The following GLIS1 variants were observed in gnomAD, a reference collection of about 807,000 sequenced individuals.
GLIS1 encodes the protein zinc finger protein GLIS1.
In GLIS1, 24 loss-of-function variants were observed where a neutral mutation model predicts 63.8. The ratio of observed to expected loss-of-function variants is 0.38; its 90% CI spans 0.27 to 0.53. The LOEUF is 0.53. GLIS1 is among the 20% of genes least tolerant of loss of function. GLIS1 has a pLI of 0.85. For synonymous variants in GLIS1, 450 were observed against 482.5 expected, an observed-to-expected ratio of 0.93 and a Z score of 0.88; for missense variants, 1,036 against 1,074.1, an observed-to-expected ratio of 0.96 and a Z score of 0.50.
At chr1:53,601,410 G>A (rs908538855) in intron 2 of GLIS1, among the ~76,000 whole-genome samples, 3 of 152,164 alleles carry the variant, frequency 2.0e-5, no homozygotes, top group African/African-American at 4.8e-5. Context: ...ATGATTGATA[G>A]GCCCAAGTAT....
At chr1:53,697,445 C>T (rs1646476941) in intron 2 of GLIS1, among the ~76,000 whole-genome samples, 1 of 151,984 alleles carries the variant, frequency 6.6e-6, no homozygotes, top group Non-Finnish European at 1.5e-5. Context: ...TGGTTCAGTG[C>T]CACCCCCCCA....
chr1:53,580,897 T>C (rs868094074), intron 4 of GLIS1, among the ~76,000 whole-genome samples: 1 of 152,182 alleles, frequency 6.6e-6, no homozygotes, highest in Non-Finnish European at 1.5e-5. Context: ...CCCATGGTCA[T>C]AAAAACAGAA....
chr1:53,624,710 T>C (rs1311106242), intron 2 of GLIS1, among the ~76,000 whole-genome samples: 1 of 151,910 alleles, frequency 6.6e-6, no homozygotes, highest in Non-Finnish European at 1.5e-5. Context: ...CCAGCTAAAA[T>C]TTAAAATCTC....
At chr1:53,603,224 T>C (rs1569901412) in intron 2 of GLIS1, among the ~76,000 whole-genome samples, 1 of 152,264 alleles carries the variant, frequency 6.6e-6, no homozygotes, top group African/African-American at 2.4e-5. Flanking sequence ...CACTTAGTGC[T>C]CTAGGCTCAT....
chr1:53,719,336 G>A (rs188640636), intron 2 of GLIS1, among the ~76,000 whole-genome samples: 23 of 152,256 alleles, frequency 1.5e-4, no homozygotes, highest in African/African-American at 4.8e-4. Flanking sequence ...AGGAAAAAGC[G>A]TTCCCTCCCT....
At chr1:53,635,100 A>C (rs1318301875) in intron 2 of GLIS1, among the ~76,000 whole-genome samples, 1 of 151,868 alleles carries the variant, frequency 6.6e-6, no homozygotes, top group Non-Finnish European at 1.5e-5. Flanking sequence ...TAACAACAGG[A>C]TTGTATGCTG....
intron 2 of GLIS1, among the ~76,000 whole-genome samples, chr1:53,673,958 G>C (rs1490075714): frequency 6.6e-6 from 1 of 152,078 alleles, no homozygotes; most frequent in East Asian, 1.9e-4. Context: ...GATGACTTGA[G>C]GTCAGGAGTT....
intron 4 of GLIS1, among the ~76,000 whole-genome samples, chr1:53,583,567 A>C (rs1190979219): frequency 2.0e-5 from 3 of 152,202 alleles, no homozygotes; most frequent in African/African-American, 7.2e-5. Context: ...TTATGTCCCA[A>C]CATGGCAGGA....
chr1:53,577,368 C>T (rs1190657574), intron 4 of GLIS1, among the ~76,000 whole-genome samples: 1 of 152,204 alleles, frequency 6.6e-6, no homozygotes, highest in South Asian at 2.1e-4. Flanking sequence ...CACCCCACCC[C>T]ATGCATCTAG....
At chr1:53,631,773 A>G (rs1012353376) in intron 2 of GLIS1, among the ~76,000 whole-genome samples, 2 of 151,992 alleles carry the variant, frequency 1.3e-5, no homozygotes, top group Non-Finnish European at 2.9e-5. Context: ...CAGGTGAGGG[A>G]TTGAGTCATA....
rs1360949925 is a variant in GLIS1, at chr1:53,555,858, GGTAT to G, written c.1321-25910_1321-25907del. Among the ~76,000 whole-genome samples the G allele has an allele frequency of 2.1e-5, 3 of 146,304 alleles. No homozygotes were observed. In the East Asian group the frequency reaches 6.2e-4, roughly 30 times the overall value. ...TGTGTGTGTGTGCAGGTGTACTGTA[GGTAT>G]GTGTGTGCAGGTGTACTGCAGGTGT... On this transcript the variant is annotated intron_variant, in intron 4 of 10. Transcript: ENST00000628545.
chr1:53,601,203 C>T (rs1265488393), intron 2 of GLIS1, among the ~76,000 whole-genome samples: 1 of 152,218 alleles, frequency 6.6e-6, no homozygotes. Context: ...AGACAAATCC[C>T]TGCGCAGGCC....
chr1:53,632,496 AGTGT>A, intron 2 of GLIS1, among the ~76,000 whole-genome samples: 1 of 142,970 alleles, frequency 7.0e-6, no homozygotes, highest in Non-Finnish European at 1.5e-5. Context: ...CATGTGAATG[AGTGT>A]GACTGAGGGG....
chr1:53,688,258 G>C (rs2100450663), intron 2 of GLIS1, among the ~76,000 whole-genome samples: 1 of 152,364 alleles, frequency 6.6e-6, no homozygotes, highest in Non-Finnish European at 1.5e-5. Flanking sequence ...TGCGAGTGTG[G>C]GCTCATGGGG....
At chr1:53,731,738 A>T (rs1024664975) in intron 2 of GLIS1, among the ~76,000 whole-genome samples, 3 of 152,214 alleles carry the variant, frequency 2.0e-5, no homozygotes, top group Non-Finnish European at 4.4e-5. Flanking sequence ...CTGGCACAGA[A>T]CAGCCGCTCA....
intron 2 of GLIS1, among the ~76,000 whole-genome samples, chr1:53,681,382 G>T (rs1415798278): frequency 1.3e-5 from 2 of 152,240 alleles, no homozygotes; most frequent in Non-Finnish European, 2.9e-5. Flanking sequence ...CTGCATCTCT[G>T]CCACCGCCCC....
At position 53,527,871 on chromosome 1, in the gene GLIS1, T is replaced by G. The variant is rs537996044; in HGVS notation, c.1482+1920A>C. On this transcript the variant is annotated intron_variant, in intron 5 of 10. Transcript: ENST00000628545. ...GCCTGAGATAAGCCTGCAGGCTCAT[T>G]CTGGGCCTGGCCTGACCTAGACCTT... Among the ~76,000 whole-genome samples, 10 of 152,266 alleles carry G rather than the reference T, an allele frequency of 6.6e-5. No homozygotes were observed. In the South Asian group the frequency reaches 1.2e-3, roughly 19 times the overall value.
At chr1:53,709,795 G>T (rs1292397087) in intron 2 of GLIS1, among the ~76,000 whole-genome samples, 2 of 152,094 alleles carry the variant, frequency 1.3e-5, no homozygotes, top group African/African-American at 4.8e-5. Flanking sequence ...CATGGCACAG[G>T]TCTGCTGCTC....
chr1:53,574,076 A>G lies in GLIS1; in HGVS notation c.1320+20032T>C, dbSNP rs2100474160. On this transcript the variant is annotated intron_variant, in intron 4 of 10. Coordinates refer to ENST00000628545, the MANE Select transcript of GLIS1 (RefSeq NM_001367484.1). This position sits in a 1 kb window ranked among gnomAD's most constrained non-coding sequence, Gnocchi z 4.2. ...ATCCTGCAGCCGGCTCCAGGCACTC[A>G]GATGGCAGAACTCCGTGATCTGGGT... Among the ~76,000 whole-genome samples, 1 of 152,318 alleles carries G rather than the reference A, an allele frequency of 6.6e-6. No homozygotes were observed. Among genetic ancestry groups the G allele is most frequent in the South Asian group, 2.1e-4 (1 of 4,818 alleles).
Sources: gnomAD v4.1 joint callset for allele counts (sites outside exome capture counted in the v4.1 genomes callset) on GRCh38, gnomAD v4.1.1 for gene constraint, Gnocchi (gnomAD v3.1) non-coding constraint, MANE v1.5 for transcripts, NCBI Gene and HGNC (gene_info 2026-07-23, HGNC 2026-07-21) for gene names.